The following METAP1 variants were observed in gnomAD, a reference collection of about 807,000 sequenced individuals.
The protein encoded by METAP1 is methionyl aminopeptidase 1.
In METAP1, 28 loss-of-function variants were observed where a neutral mutation model predicts 53.8. The ratio of observed to expected loss-of-function variants is 0.52; its 90% CI spans 0.39 to 0.71. The LOEUF (loss-of-function observed/expected upper bound fraction) is 0.71. Among genes scored for constraint, METAP1 ranks in the 30% least tolerant of loss-of-function variants. The pLI, the probability that METAP1 is intolerant of heterozygous loss-of-function variation, is 0.00. For missense variants in METAP1, 389 were observed against 479.8 expected (o/e 0.81, Z 1.77); for synonymous variants, 181 against 165.7 (o/e 1.09, Z -0.71).
At chr4:99,028,588 G>C (rs747937211) in intron 1 of METAP1, among the ~76,000 whole-genome samples, 1 of 152,046 alleles carries the variant, frequency 6.6e-6, no homozygotes, top group Non-Finnish European at 1.5e-5. Flanking sequence ...GAAATACTTC[G>C]TAATAGTTTG....
At chr4:99,022,837 C>T in intron 1 of METAP1, 1 of 1,574,016 alleles carries the variant, frequency 6.4e-7, no homozygotes, top group East Asian at 2.3e-5. Context: ...TGCTGTGGTA[C>T]TGCTTTTTTC....
At chr4:99,015,334 G>A (rs1339879302) in intron 1 of METAP1, among the ~76,000 whole-genome samples, 1 of 152,176 alleles carries the variant, frequency 6.6e-6, no homozygotes, top group Non-Finnish European at 1.5e-5. Flanking sequence ...ACTGGGGTTG[G>A]AGAAGGGAAA....
At chr4:99,005,886 C>T (rs62323245) in intron 1 of METAP1, 7,318 of 320,978 alleles carry the variant, frequency 0.023, 129 homozygotes, top group Non-Finnish European at 0.033. Context: ...CAAAGACATT[C>T]GGAGTGGTAT....
At chr4:98,998,450 G>A (rs968129091) in intron 1 of METAP1, among the ~76,000 whole-genome samples, 17 of 152,314 alleles carry the variant, frequency 1.1e-4, no homozygotes, top group African/African-American at 3.6e-4. Flanking sequence ...TTGAACCTGG[G>A]TGGTGGAGGT....
At chr4:99,035,597 A>G (rs750656305) in intron 4 of METAP1, 137 bp downstream of exon 4, 1 of 619,570 alleles carries the variant, frequency 1.6e-6, no homozygotes, top group African/African-American at 1.8e-5. Context: ...CCATTAGAAC[A>G]TTGAAGAGAA....
At chr4:99,022,238 G>C (rs895766910) in intron 1 of METAP1, 1 of 447,550 alleles carries the variant, frequency 2.2e-6, no homozygotes, top group Non-Finnish European at 3.6e-6. Flanking sequence ...TGCCTGGGTA[G>C]TCATGATCAT....
chr4:99,004,115 A>G (rs1723050721), intron 1 of METAP1, among the ~76,000 whole-genome samples: 1 of 152,174 alleles, frequency 6.6e-6, no homozygotes, highest in African/African-American at 2.4e-5. Flanking sequence ...AGATGAAGAG[A>G]TGCATAGGGC....
intron 1 of METAP1, among the ~76,000 whole-genome samples, chr4:99,001,556 T>C (rs1270277262): frequency 6.6e-6 from 1 of 152,222 alleles, no homozygotes; most frequent in Non-Finnish European, 1.5e-5. Context: ...TCATCCTTAA[T>C]GTCTTAACCA....
chr4:99,036,740 C>T (rs1176736701), intron 4 of METAP1, among the ~76,000 whole-genome samples: 1 of 151,946 alleles, frequency 6.6e-6, no homozygotes, highest in Non-Finnish European at 1.5e-5. Context: ...TAGATCATTT[C>T]GAGGTTTTTG....
intron 9 of METAP1, among the ~76,000 whole-genome samples, chr4:99,049,877 C>T (rs1726565965): frequency 6.6e-6 from 1 of 152,142 alleles, no homozygotes; most frequent in Non-Finnish European, 1.5e-5. Context: ...TTTACAATGA[C>T]AGTAATATGC....
Position 98,999,872 on chromosome 4 carries a change from A to C in METAP1, c.114+4005A>C, listed in dbSNP as rs115266485. Among the ~76,000 whole-genome samples the C allele has an allele frequency of 3.5e-3, 540 of 152,194 alleles. 2 individuals carry two copies. The highest frequency in any genetic ancestry group is 0.012 in the African/African-American group (517 of 41,516). ...GAGGAGTACAACCAGTTTTACTTGA[A>C]AATTGAGTTTTCCAAGAGTTCTTGA... On this transcript the variant is annotated intron_variant, in intron 1 of 10. Coordinates refer to ENST00000296411, the MANE Select transcript of METAP1 (RefSeq NM_015143.3).
intron 1 of METAP1, among the ~76,000 whole-genome samples, chr4:99,010,771 T>C (rs1723427655): frequency 6.6e-6 from 1 of 152,262 alleles, no homozygotes; most frequent in African/African-American, 2.4e-5. Context: ...TATTGATATC[T>C]TAACCTTATC....
chr4:99,026,299 T>C, intron 1 of METAP1: 1 of 984,208 alleles, frequency 1.0e-6, no homozygotes, highest in Non-Finnish European at 1.2e-6. Flanking sequence ...TAATAATGCT[T>C]TGGTGTTATT....
At chr4:99,017,701 C>T (rs769533464) in intron 1 of METAP1, among the ~76,000 whole-genome samples, 86 of 152,222 alleles carry the variant, frequency 5.6e-4, no homozygotes, top group Admixed American at 1.2e-3. Context: ...GCCATCTTTC[C>T]GCTTTTTGAT....
chr4:99,049,431 C>T (rs1325624624), intron 9 of METAP1, among the ~76,000 whole-genome samples: 1 of 152,070 alleles, frequency 6.6e-6, no homozygotes, highest in Non-Finnish European at 1.5e-5. Context: ...GAAGTCAGTT[C>T]GTCTTGCTTG....
chr4:99,012,742 G>C (rs949469134), intron 1 of METAP1, among the ~76,000 whole-genome samples: 25 of 148,472 alleles, frequency 1.7e-4, no homozygotes, highest in African/African-American at 5.9e-4. Flanking sequence ...CACAGCCTCA[G>C]GAGTTCTTGA....
intron 8 of METAP1, among the ~76,000 whole-genome samples, chr4:99,046,222 C>G (rs547877921): frequency 2.0e-5 from 3 of 151,786 alleles, no homozygotes; most frequent in African/African-American, 7.3e-5. Flanking sequence ...GAGACCAGCC[C>G]GGCCAACATG....
At chr4:99,046,395 C>G (rs1726234763) in intron 8 of METAP1, among the ~76,000 whole-genome samples, 1 of 151,402 alleles carries the variant, frequency 6.6e-6, no homozygotes, top group African/African-American at 2.4e-5. Context: ...GACTCCATTT[C>G]AAAAAAAGAA....
intron 1 of METAP1, among the ~76,000 whole-genome samples, chr4:99,006,255 T>G (rs1723174271): frequency 6.6e-6 from 1 of 152,196 alleles, no homozygotes; most frequent in African/African-American, 2.4e-5. Flanking sequence ...AAAAGATAAA[T>G]AACAGGGAAG....
Sources: gnomAD v4.1 joint callset for allele counts (sites outside exome capture counted in the v4.1 genomes callset) on GRCh38, gnomAD v4.1.1 for gene constraint, MANE v1.5 for transcripts, NCBI Gene and HGNC (gene_info 2026-07-23, HGNC 2026-07-21) for gene names.